EFHD1: variants seen among roughly 807,000 people sequenced by gnomAD.
The protein encoded by EFHD1 is EF-hand domain family member D1.
A neutral mutation model predicts 17.2 loss-of-function variants in EFHD1; 10 were observed. The ratio of observed to expected loss-of-function variants is 0.58; its 90% CI spans 0.36 to 0.99. EFHD1 has a LOEUF of 0.99. Among genes scored for constraint, EFHD1 ranks in the 50% least tolerant of loss-of-function variants. The pLI is 0.01. For synonymous variants in EFHD1, 153 were observed against 142.0 expected, an observed-to-expected ratio of 1.08 and a Z score of -0.55; for missense variants, 310 against 327.5, an observed-to-expected ratio of 0.95 and a Z score of 0.41.
At chr2:232,672,472 C>T in intron 3 of EFHD1, 29 bp downstream of exon 3, 1 of 1,558,932 alleles carries the variant, frequency 6.4e-7, no homozygotes, top group Non-Finnish European at 8.7e-7. Context: ...CTGTGAGGAG[C>T]AACCACTCCC....
At chr2:232,638,340 T>C (rs1232437163) in intron 1 of EFHD1, 1 of 471,004 alleles carries the variant, frequency 2.1e-6, no homozygotes, top group Non-Finnish European at 4.4e-6. Flanking sequence ...AGCTTGTGTT[T>C]TAATTCCCCA....
chr2:232,655,094 G>A (rs1426361417), intron 1 of EFHD1, among the ~76,000 whole-genome samples: 2 of 152,168 alleles, frequency 1.3e-5, no homozygotes, highest in Admixed American at 6.5e-5. Flanking sequence ...CCTGTTCTGC[G>A]AATTCTGTTG....
intron 3 of EFHD1, among the ~76,000 whole-genome samples, chr2:232,673,972 G>A (rs1260537782): frequency 1.4e-5 from 2 of 144,052 alleles, no homozygotes; most frequent in Admixed American, 7.3e-5. Flanking sequence ...ACAGTGGCAC[G>A]ATCTTGGCTC....
intron 1 of EFHD1, among the ~76,000 whole-genome samples, chr2:232,649,459 C>T (rs1460329089): frequency 6.6e-6 from 1 of 152,142 alleles, no homozygotes; most frequent in Non-Finnish European, 1.5e-5. Flanking sequence ...CTTTGTGGAG[C>T]GGTAGCACAG....
chr2:232,655,830 G>A (rs1203135079), intron 1 of EFHD1, among the ~76,000 whole-genome samples: 4 of 136,768 alleles, frequency 2.9e-5, no homozygotes, highest in African/African-American at 5.7e-5. Flanking sequence ...TTTTTGAGTC[G>A]GAATCTTGCT....
chr2:232,669,695 G>A (rs1417411418), intron 2 of EFHD1, among the ~76,000 whole-genome samples: 1 of 151,774 alleles, frequency 6.6e-6, no homozygotes, highest in Non-Finnish European at 1.5e-5. Context: ...CCACCTCCTG[G>A]GTTCAAGCGA....
chr2:232,665,955 G>C (rs973272304), intron 2 of EFHD1, among the ~76,000 whole-genome samples: 1 of 152,138 alleles, frequency 6.6e-6, no homozygotes, highest in African/African-American at 2.4e-5. Context: ...CCAAAGTGTT[G>C]GGATTACAGG....
chr2:232,609,922 G>T (rs1046922697), intron 1 of EFHD1, among the ~76,000 whole-genome samples: 1 of 152,176 alleles, frequency 6.6e-6, no homozygotes, highest in Non-Finnish European at 1.5e-5. Flanking sequence ...GAGAAGCACC[G>T]TTTGCCTTTG....
chr2:232,666,871 G>A (rs1694976326), intron 2 of EFHD1, among the ~76,000 whole-genome samples: 1 of 152,178 alleles, frequency 6.6e-6, no homozygotes, highest in African/African-American at 2.4e-5. Context: ...GACCAGGGCT[G>A]TGTTCACAGA....
chr2:232,675,336 A>T (rs535070723), intron 3 of EFHD1, among the ~76,000 whole-genome samples: 2 of 152,298 alleles, frequency 1.3e-5, no homozygotes, highest in African/African-American at 2.4e-5. Context: ...ACCATGGCAC[A>T]TGTGGTCTAT....
At chr2:232,662,621 A>G (rs930066717) in intron 1 of EFHD1, 181 bp from the exon 2 acceptor site, 1 of 661,578 alleles carries the variant, frequency 1.5e-6, no homozygotes, top group Non-Finnish European at 2.3e-6. Flanking sequence ...GCTTTGAGTC[A>G]TACAAAGCCC....
intron 1 of EFHD1, among the ~76,000 whole-genome samples, chr2:232,653,926 G>T (rs1694703993): frequency 6.6e-6 from 1 of 152,120 alleles, no homozygotes; most frequent in African/African-American, 2.4e-5. Flanking sequence ...AGAAGTTGGG[G>T]CCAGGCCCGG....
At chr2:232,646,436 C>CTTTTTTTTTTTT (rs71398729) in intron 1 of EFHD1, among the ~76,000 whole-genome samples, 5 of 67,176 alleles carry the variant, frequency 7.4e-5, no homozygotes, top group African/African-American at 1.9e-4. Context: ...CTCTTCTCTT[C>CTTTTTTTTTTTT]TTTTTTTTTT....
chr2:232,629,948 T>TTTTG (rs146596863), upstream of EFHD1, among the ~76,000 whole-genome samples: 9,672 of 151,724 alleles, frequency 0.064, 520 homozygotes, highest in South Asian at 0.29. Flanking sequence ...CAAGCATGTT[T>TTTTG]TTTGTTTGTT....
At chr2:232,633,362 T>G (rs1330187618), upstream of EFHD1, 1 of 768,138 alleles carries the variant, frequency 1.3e-6, no homozygotes, top group Non-Finnish European at 1.7e-6. Flanking sequence ...AAGGTCGGAG[T>G]TGATCCGAGG....
intron 3 of EFHD1, among the ~76,000 whole-genome samples, chr2:232,676,166 C>T (rs189627033): frequency 6.4e-4 from 97 of 152,036 alleles, no homozygotes; most frequent in African/African-American, 2.3e-3. Flanking sequence ...CAGAGCAAGA[C>T]CATGTCTCAA....
chr2:232,627,041 T>TAC (rs1553596225), intron 1 of EFHD1, among the ~76,000 whole-genome samples: 1 of 82,224 alleles, frequency 1.2e-5, no homozygotes, highest in Admixed American at 1.4e-4. Context: ...TCTCTCTATA[T>TAC]ATATATATAT....
At chr2:232,681,070 T>C (rs1322993070) in intron 3 of EFHD1, among the ~76,000 whole-genome samples, 6 of 151,912 alleles carry the variant, frequency 3.9e-5, no homozygotes, top group Non-Finnish European at 8.8e-5. Context: ...ACAGAAGAAC[T>C]GCTTGAACCT....
At chr2:232,630,095 A>G (rs527599144), upstream of EFHD1, among the ~76,000 whole-genome samples, 52 of 152,236 alleles carry the variant, frequency 3.4e-4, no homozygotes, top group African/African-American at 1.2e-3. Flanking sequence ...GACTACAGGC[A>G]CATGCCACCA....
Sources: allele counts gnomAD v4.1 joint callset (sites outside exome capture counted in the v4.1 genomes callset), GRCh38; gene constraint gnomAD v4.1.1; transcripts MANE v1.5; gene names NCBI Gene and HGNC (gene_info 2026-07-23, HGNC 2026-07-21).